PDGFC: variants seen among roughly 807,000 people sequenced by gnomAD.
PDGFC encodes the protein platelet derived growth factor C, also known as platelet-derived growth factor C.
Under a neutral mutation model 35.5 loss-of-function variants are expected in PDGFC, and 12 were observed. The ratio of observed to expected loss-of-function variants is 0.34; its 90% CI spans 0.22 to 0.55. The LOEUF (loss-of-function observed/expected upper bound fraction) is 0.55. Among genes scored for constraint, PDGFC ranks in the 20% least tolerant of loss-of-function variants. The pLI is 0.91. For synonymous variants in PDGFC, 159 were observed against 148.8 expected, an observed-to-expected ratio of 1.07 and a Z score of -0.50; for missense variants, 322 against 412.4, an observed-to-expected ratio of 0.78 and a Z score of 1.90.
At position 156,796,491 on chromosome 4, in the gene PDGFC, ATTTTTTTT is replaced by A. The variant is rs35891804; in HGVS notation, c.495+14338_495+14345del. Among the ~76,000 whole-genome samples, 13 of 101,600 alleles carry A rather than the reference ATTTTTTTT, an allele frequency of 1.3e-4. No homozygotes were observed. In the South Asian group the frequency reaches 3.2e-3, roughly 25 times the overall value. The allele number at this position is 101,600 out of a possible 152,430, so 66.7% of individuals were successfully genotyped here. A position where few individuals can be genotyped will look rare whatever the true frequency, so the allele number is the denominator to read the frequency against. ...CGGACAGTATACAGGACCACTTTGT[ATTTTTTTT>A]TTTTTTTTTTTTTTTTTACAAAAGG... On this transcript the variant is annotated intron_variant, in intron 3 of 5. Coordinates refer to ENST00000502773, the MANE Select transcript of PDGFC (RefSeq NM_016205.3).
At chr4:156,829,776 C>T (rs1182664808) in intron 2 of PDGFC, among the ~76,000 whole-genome samples, 4 of 152,108 alleles carry the variant, frequency 2.6e-5, no homozygotes, top group East Asian at 3.9e-4. Flanking sequence ...ATTATTATCT[C>T]GTGAGTTATA....
intron 1 of PDGFC, among the ~76,000 whole-genome samples, chr4:156,931,956 G>T (rs74559922): frequency 6.6e-6 from 1 of 151,962 alleles, no homozygotes; most frequent in African/African-American, 2.4e-5. Context: ...AACATTTAAA[G>T]AGCATCTGCA....
chr4:156,907,113 G>T (rs1360529018), intron 1 of PDGFC, among the ~76,000 whole-genome samples: 2 of 152,082 alleles, frequency 1.3e-5, no homozygotes, highest in African/African-American at 2.4e-5. Flanking sequence ...TAGATTAGGA[G>T]AATATACCAC....
At chr4:156,960,028 C>T (rs1732304243) in intron 1 of PDGFC, among the ~76,000 whole-genome samples, 1 of 151,772 alleles carries the variant, frequency 6.6e-6, no homozygotes, top group Non-Finnish European at 1.5e-5. Flanking sequence ...AACCTCAAGA[C>T]TGCTAATATT....
At chr4:156,925,635 A>G (rs562790149) in intron 1 of PDGFC, among the ~76,000 whole-genome samples, 2 of 152,260 alleles carry the variant, frequency 1.3e-5, no homozygotes, top group Non-Finnish European at 2.9e-5. Flanking sequence ...GTTTGGAATT[A>G]GAGAGAAACA....
chr4:156,790,779 T>C (rs995390228), intron 3 of PDGFC, among the ~76,000 whole-genome samples: 1 of 152,178 alleles, frequency 6.6e-6, no homozygotes, highest in Non-Finnish European at 1.5e-5. Flanking sequence ...TTCTGTAACA[T>C]GAAAGGCACA....
At chr4:156,964,097 G>A (rs1436223034) in intron 1 of PDGFC, among the ~76,000 whole-genome samples, 1 of 151,038 alleles carries the variant, frequency 6.6e-6, no homozygotes, top group Non-Finnish European at 1.5e-5. Flanking sequence ...ATACTTTCTA[G>A]CGTTCACTAA....
intron 3 of PDGFC, among the ~76,000 whole-genome samples, chr4:156,788,262 A>G (rs1731184484): frequency 6.6e-6 from 1 of 152,172 alleles, no homozygotes; most frequent in East Asian, 1.9e-4. Context: ...TACACAGGAA[A>G]GCTGAAGGAA....
intron 1 of PDGFC, among the ~76,000 whole-genome samples, chr4:156,883,132 T>C (rs1012002546): frequency 1.3e-5 from 2 of 151,822 alleles, no homozygotes; most frequent in Non-Finnish European, 1.5e-5. Flanking sequence ...TCACTTGAAG[T>C]CAACCCTGCC....
intron 2 of PDGFC, among the ~76,000 whole-genome samples, chr4:156,830,796 A>T (rs1348363533): frequency 6.6e-6 from 1 of 152,190 alleles, no homozygotes; most frequent in Middle Eastern, 3.2e-3. Context: ...AAATGTGATC[A>T]ATTAAGTTAT....
At chr4:156,900,538 CTAGT>C (rs1179379370) in intron 1 of PDGFC, among the ~76,000 whole-genome samples, 3 of 152,082 alleles carry the variant, frequency 2.0e-5, no homozygotes, top group African/African-American at 7.2e-5. Flanking sequence ...CAAGAACGAA[CTAGT>C]TAAAGAAGAG....
At chr4:156,888,089 T>C (rs938756059) in intron 1 of PDGFC, among the ~76,000 whole-genome samples, 6 of 151,880 alleles carry the variant, frequency 4.0e-5, no homozygotes, top group African/African-American at 1.5e-4. Flanking sequence ...GTCTAAAACA[T>C]TACAATAAAT....
intron 1 of PDGFC, among the ~76,000 whole-genome samples, chr4:156,866,609 G>A (rs190772950): frequency 2.4e-4 from 37 of 151,996 alleles, no homozygotes; most frequent in Admixed American, 1.2e-3. Context: ...CTACATTATT[G>A]TAACTATTGC....
At chr4:156,828,486 T>C (rs1172399675) in intron 2 of PDGFC, among the ~76,000 whole-genome samples, 1 of 152,208 alleles carries the variant, frequency 6.6e-6, no homozygotes, top group Non-Finnish European at 1.5e-5. Flanking sequence ...AATTTACCTC[T>C]GTTTTCTAAT....
At chr4:156,907,742 G>C (rs1730950087) in intron 1 of PDGFC, among the ~76,000 whole-genome samples, 1 of 152,144 alleles carries the variant, frequency 6.6e-6, no homozygotes, top group Non-Finnish European at 1.5e-5. Context: ...CCTTCACCTG[G>C]GATGAAGTGG....
chr4:156,936,738 T>C (rs1000049319), intron 1 of PDGFC, among the ~76,000 whole-genome samples: 3 of 151,790 alleles, frequency 2.0e-5, no homozygotes, highest in Non-Finnish European at 2.9e-5. Flanking sequence ...TGGGATGGAG[T>C]AGACGAATGG....
At chr4:156,857,275 G>A (rs1729605145) in intron 1 of PDGFC, among the ~76,000 whole-genome samples, 1 of 151,964 alleles carries the variant, frequency 6.6e-6, no homozygotes, top group Non-Finnish European at 1.5e-5. Flanking sequence ...TCAAAAAGAA[G>A]ACATATGTAA....
chr4:156,877,474 A>G (rs998065807), intron 1 of PDGFC, among the ~76,000 whole-genome samples: 1 of 152,132 alleles, frequency 6.6e-6, no homozygotes, highest in Non-Finnish European at 1.5e-5. Context: ...AGTAATGACT[A>G]TGTAAGTTAT....
intron 1 of PDGFC, among the ~76,000 whole-genome samples, chr4:156,949,666 G>A (rs868625384): frequency 6.6e-6 from 1 of 151,930 alleles, no homozygotes; most frequent in Non-Finnish European, 1.5e-5. Flanking sequence ...TCCTAGCCAA[G>A]AAATTTTCTA....
Sources: gnomAD v4.1 joint callset for allele counts (sites outside exome capture counted in the v4.1 genomes callset) on GRCh38, gnomAD v4.1.1 for gene constraint, MANE v1.5 for transcripts, NCBI Gene and HGNC (gene_info 2026-07-23, HGNC 2026-07-21) for gene names.